AGBL4: variants seen among roughly 807,000 people sequenced by gnomAD.
AGBL4 encodes cytosolic carboxypeptidase 6.
A neutral mutation model predicts 66.4 loss-of-function variants in AGBL4; 58 were observed. That is an observed-to-expected ratio of 0.87 (90% CI 0.71 to 1.09). The LOEUF (loss-of-function observed/expected upper bound fraction) is 1.09, where lower values mean the gene tolerates loss of function less well. Ranked by LOEUF, AGBL4 falls within the 50% of genes least tolerant of loss-of-function variation. The probability of loss-of-function intolerance (pLI) is 0.00; values close to 1 mark genes in which losing one functional copy is unlikely to be tolerated. For synonymous variants in AGBL4, 234 were observed against 222.9 expected (o/e 1.05, Z -0.44); for missense variants, 579 against 631.0 (o/e 0.92, Z 0.88).
At chr1:49,554,522 G>T (rs1393775009) in intron 3 of AGBL4, among the ~76,000 whole-genome samples, 2 of 152,128 alleles carry the variant, frequency 1.3e-5, no homozygotes, top group Non-Finnish European at 2.9e-5. Flanking sequence ...GCTCATTAGT[G>T]ATGTTTTTCA....
intron 3 of AGBL4, among the ~76,000 whole-genome samples, chr1:49,382,360 A>G (rs555371619): frequency 6.6e-6 from 1 of 152,322 alleles, no homozygotes; most frequent in Admixed American, 6.5e-5. Context: ...CAACATATAA[A>G]AAGCAATCAG....
chr1:48,681,942 C>T (rs1361300111), intron 6 of AGBL4, among the ~76,000 whole-genome samples: 2 of 152,188 alleles, frequency 1.3e-5, no homozygotes, highest in Non-Finnish European at 2.9e-5. Flanking sequence ...CAGAATGTGG[C>T]TGTATGAGGA....
At chr1:48,868,427 G>A (rs932329569) in intron 5 of AGBL4, among the ~76,000 whole-genome samples, 2 of 152,102 alleles carry the variant, frequency 1.3e-5, no homozygotes, top group Non-Finnish European at 2.9e-5. Context: ...CATACTCCTG[G>A]CAATTGTACA....
chr1:49,592,644 A>G (rs182937332), intron 3 of AGBL4, among the ~76,000 whole-genome samples: 1,579 of 152,334 alleles, frequency 0.01, 5 homozygotes, highest in Middle Eastern at 0.02. Context: ...AAAATACTCA[A>G]CATCATTAGT....
At chr1:49,009,661 A>C (rs1020053593) in intron 5 of AGBL4, among the ~76,000 whole-genome samples, 3 of 150,698 alleles carry the variant, frequency 2.0e-5, no homozygotes, top group African/African-American at 7.3e-5. Context: ...CCAGCAGCAC[A>C]TCAAAAAGCT....
At chr1:48,892,923 C>T (rs1467641378) in intron 5 of AGBL4, among the ~76,000 whole-genome samples, 1 of 152,064 alleles carries the variant, frequency 6.6e-6, no homozygotes, top group Non-Finnish European at 1.5e-5. Flanking sequence ...TACACAGGTA[C>T]CAGGGGTTCA....
intron 3 of AGBL4, among the ~76,000 whole-genome samples, chr1:49,359,057 G>C (rs757404574): frequency 6.6e-6 from 1 of 152,198 alleles, no homozygotes; most frequent in Non-Finnish European, 1.5e-5. Context: ...CCATGTGTGC[G>C]TACATACATT....
intron 5 of AGBL4, among the ~76,000 whole-genome samples, chr1:48,973,755 C>T (rs1659100401): frequency 6.6e-6 from 1 of 152,154 alleles, no homozygotes; most frequent in Admixed American, 6.5e-5. Context: ...TCGATGACTT[C>T]AACTTTCAGA....
chr1:49,312,703 C>CA (rs545156669), intron 3 of AGBL4, among the ~76,000 whole-genome samples: 28 of 151,680 alleles, frequency 1.8e-4, no homozygotes, highest in Non-Finnish European at 2.9e-4. Flanking sequence ...ATATAGATGA[C>CA]AAAAAAACAC....
rs1486911765 is a variant in AGBL4, at chr1:49,390,925, A to G, written c.283-145061T>C. The stretch of plus-strand genomic sequence containing the variant: ...AGAATGGAAGAGAGAGGCATGGGGT[A>G]CAATGCAGTATCAAAAAGGCCCTTA... On this transcript the variant is annotated intron_variant, in intron 3 of 13. Transcript: ENST00000371839. Among the ~76,000 whole-genome samples, 4 of 152,326 alleles carry G rather than the reference A, an allele frequency of 2.6e-5. No homozygotes were observed. In the East Asian group the frequency reaches 7.7e-4, roughly 29 times the overall value.
intron 3 of AGBL4, among the ~76,000 whole-genome samples, chr1:49,355,779 C>T (rs530253335): frequency 1.3e-5 from 2 of 152,304 alleles, no homozygotes; most frequent in East Asian, 3.9e-4. Flanking sequence ...TCACTTAGAA[C>T]ACACTTTCCA....
At chr1:48,795,632 T>C (rs1315325921) in intron 6 of AGBL4, among the ~76,000 whole-genome samples, 2 of 152,224 alleles carry the variant, frequency 1.3e-5, no homozygotes, top group Admixed American at 6.5e-5. Flanking sequence ...TTCATTTGTG[T>C]ATATGTATAT....
chr1:49,924,634 T>C (rs1051660612), intron 1 of AGBL4, among the ~76,000 whole-genome samples: 14 of 152,326 alleles, frequency 9.2e-5, no homozygotes, highest in Non-Finnish European at 1.0e-4. Context: ...GCTTGCTATA[T>C]GCCAGGCATC....
chr1:49,318,732 T>A (rs991884630), intron 3 of AGBL4, among the ~76,000 whole-genome samples: 3 of 152,110 alleles, frequency 2.0e-5, no homozygotes, highest in African/African-American at 7.2e-5. Flanking sequence ...GCAGGCAATC[T>A]GGCTGTAGGG....
chr1:48,850,174 T>G (rs1228095490), intron 6 of AGBL4, among the ~76,000 whole-genome samples: 1 of 152,124 alleles, frequency 6.6e-6, no homozygotes, highest in Non-Finnish European at 1.5e-5. Context: ...TGAGAACAAA[T>G]GGAGGATTTT....
chr1:49,231,614 A>C (rs963952691), intron 4 of AGBL4, among the ~76,000 whole-genome samples: 4 of 152,208 alleles, frequency 2.6e-5, no homozygotes, highest in African/African-American at 9.6e-5. Flanking sequence ...AAAGAGGCAT[A>C]TATGCAGGTG....
chr1:49,380,960 A>C (rs1644591715), intron 3 of AGBL4, among the ~76,000 whole-genome samples: 1 of 152,214 alleles, frequency 6.6e-6, no homozygotes, highest in South Asian at 2.1e-4. Context: ...CTAAAACACC[A>C]AAAGCAATGG....
intron 5 of AGBL4, among the ~76,000 whole-genome samples, chr1:48,921,730 G>A (rs187290001): frequency 6.6e-6 from 1 of 152,264 alleles, no homozygotes; most frequent in African/African-American, 2.4e-5. Flanking sequence ...GCCTCAAGGA[G>A]GTAAATAACT....
intron 5 of AGBL4, among the ~76,000 whole-genome samples, chr1:49,022,554 G>C (rs1455256258): frequency 6.6e-6 from 1 of 151,940 alleles, no homozygotes; most frequent in African/African-American, 2.4e-5. Context: ...GCTAATGGGG[G>C]AGACCCACAT....
Sources: allele counts gnomAD v4.1 joint callset (sites outside exome capture counted in the v4.1 genomes callset), GRCh38; gene constraint gnomAD v4.1.1; transcripts MANE v1.5; gene names NCBI Gene and HGNC (gene_info 2026-07-23, HGNC 2026-07-21).